CADM2: variants seen among roughly 807,000 people sequenced by gnomAD.
CADM2 encodes the protein cell adhesion molecule 2, also known as immunoglobulin superfamily member 4D.
A neutral mutation model predicts 49.8 loss-of-function variants in CADM2; 12 were observed. The observed-to-expected ratio is 0.24, with a 90% CI of 0.15 to 0.39. CADM2 has a LOEUF of 0.39. CADM2 is among the 10% of genes least tolerant of loss of function. The pLI is 1.00. For missense variants in CADM2, 378 were observed against 492.3 expected (o/e 0.77, Z 2.20); for synonymous variants, 214 against 175.4 (o/e 1.22, Z -1.74).
At chr3:85,335,573 G>T (rs1319947433) in intron 1 of CADM2, among the ~76,000 whole-genome samples, 1 of 150,570 alleles carries the variant, frequency 6.6e-6, no homozygotes, top group African/African-American at 2.4e-5. Context: ...TTTTGTTGAG[G>T]ACATTCAAAA....
chr3:85,480,311 T>C (rs1200793641), intron 1 of CADM2, among the ~76,000 whole-genome samples: 1 of 151,894 alleles, frequency 6.6e-6, no homozygotes, highest in Non-Finnish European at 1.5e-5. Flanking sequence ...GTTTTCATTA[T>C]AAATATTATA....
chr3:85,628,558 C>CAT lies in CADM2; in HGVS notation c.62-97956_62-97955dup, dbSNP rs1276847547. 9.5e-5 allele frequency among the ~76,000 whole-genome samples: 14 copies of CAT among 147,186 alleles called. No homozygotes were observed. In the East Asian group the frequency reaches 2.0e-3, roughly 21 times the overall value. ...ATATATACACATATATATACACACACATATATATACATATATACACACACA... is the reference window on the plus strand; with the variant it reads ...ATATATACACATATATATACACACACATATATATATACATATATACACACACA... On this transcript the variant is annotated intron_variant, in intron 1 of 9. Coordinates refer to ENST00000383699, the MANE Select transcript of CADM2 (RefSeq NM_001167675.2).
At chr3:85,749,841 T>C (rs1376852883) in intron 2 of CADM2, among the ~76,000 whole-genome samples, 1 of 152,122 alleles carries the variant, frequency 6.6e-6, no homozygotes. Context: ...TTTGTTTGTT[T>C]GTTTAGTTGG....
chr3:85,692,881 C>T (rs2066428239), intron 1 of CADM2, among the ~76,000 whole-genome samples: 1 of 152,294 alleles, frequency 6.6e-6, no homozygotes, highest in African/African-American at 2.4e-5. Context: ...GAGGATACCT[C>T]TCAAATTTCT....
At chr3:85,260,624 C>A (rs1219459783) in intron 1 of CADM2, among the ~76,000 whole-genome samples, 1 of 152,098 alleles carries the variant, frequency 6.6e-6, no homozygotes, top group Non-Finnish European at 1.5e-5. Context: ...CTTTGACAGA[C>A]ATTCACATTT....
intron 1 of CADM2, among the ~76,000 whole-genome samples, chr3:85,484,865 G>T (rs1332780360): frequency 6.6e-6 from 1 of 151,708 alleles, no homozygotes; most frequent in African/African-American, 2.4e-5. Context: ...ATATTTTATA[G>T]TCATATGATA....
chr3:85,180,917 C>T (rs1438285732), intron 1 of CADM2, among the ~76,000 whole-genome samples: 1 of 152,082 alleles, frequency 6.6e-6, no homozygotes, highest in Non-Finnish European at 1.5e-5. Context: ...GCTACTAATG[C>T]TTCCAGGTAT....
intron 1 of CADM2, among the ~76,000 whole-genome samples, chr3:85,680,497 C>A (rs1379353769): frequency 6.6e-6 from 1 of 152,130 alleles, no homozygotes; most frequent in Non-Finnish European, 1.5e-5. Flanking sequence ...TTATTCTCTG[C>A]AATGTTCCTT....
At chr3:85,861,093 T>C (rs915450953) in intron 3 of CADM2, among the ~76,000 whole-genome samples, 2 of 152,106 alleles carry the variant, frequency 1.3e-5, no homozygotes, top group Admixed American at 6.6e-5. Flanking sequence ...CAGGAGGTCA[T>C]TGAAAGTGTC....
intron 8 of CADM2, among the ~76,000 whole-genome samples, chr3:86,010,498 A>G (rs1731362893): frequency 6.6e-6 from 1 of 151,436 alleles, no homozygotes; most frequent in Non-Finnish European, 1.5e-5. Flanking sequence ...TTTAGGAATA[A>G]CCTCTTGAGA....
At chr3:85,983,573 C>T (rs943188823) in intron 8 of CADM2, among the ~76,000 whole-genome samples, 3 of 151,476 alleles carry the variant, frequency 2.0e-5, no homozygotes, top group Non-Finnish European at 3.0e-5. Context: ...TTTTTCAGTT[C>T]GTTTTAGTAA....
intron 1 of CADM2, among the ~76,000 whole-genome samples, chr3:85,190,336 T>G: frequency 6.6e-6 from 1 of 152,076 alleles, no homozygotes; most frequent in East Asian, 1.9e-4. Context: ...CCCTTAATAA[T>G]CATATTTTGG....
At chr3:85,072,291 T>C (rs979265587) in intron 1 of CADM2, among the ~76,000 whole-genome samples, 1 of 152,026 alleles carries the variant, frequency 6.6e-6, no homozygotes, top group Non-Finnish European at 1.5e-5. Context: ...ATCTGTTTTG[T>C]GTCCTTTGGT....
At chr3:85,171,448 T>A (rs2040623863) in intron 1 of CADM2, among the ~76,000 whole-genome samples, 1 of 152,344 alleles carries the variant, frequency 6.6e-6, no homozygotes, top group Middle Eastern at 3.4e-3. Flanking sequence ...TGCATATTTT[T>A]ATGCATATAT....
At chr3:85,942,465 C>A (rs1722053371) in intron 7 of CADM2, among the ~76,000 whole-genome samples, 1 of 149,478 alleles carries the variant, frequency 6.7e-6, no homozygotes, top group African/African-American at 2.4e-5. Flanking sequence ...GGTATATCTC[C>A]CAGTGCTATC....
intron 8 of CADM2, among the ~76,000 whole-genome samples, chr3:86,065,306 A>G (rs993335642): frequency 6.6e-6 from 1 of 152,234 alleles, no homozygotes; most frequent in African/African-American, 2.4e-5. Flanking sequence ...ACATATTTTC[A>G]GATGGAGGTG....
intron 1 of CADM2, among the ~76,000 whole-genome samples, chr3:85,083,121 GTATTA>G (rs1335276951): frequency 6.6e-6 from 1 of 152,016 alleles, no homozygotes; most frequent in Admixed American, 6.6e-5. Context: ...TAGTATATGT[GTATTA>G]TATTATATAC....
At chr3:85,075,719 A>C (rs958398104) in intron 1 of CADM2, among the ~76,000 whole-genome samples, 1 of 152,186 alleles carries the variant, frequency 6.6e-6, no homozygotes, top group African/African-American at 2.4e-5. Flanking sequence ...CCATGTTGTA[A>C]GTGAATCTCA....
chr3:85,253,183 A>G (rs766573953), intron 1 of CADM2, among the ~76,000 whole-genome samples: 11 of 152,078 alleles, frequency 7.2e-5, no homozygotes, highest in Non-Finnish European at 1.5e-4. Flanking sequence ...CACTTAGCAC[A>G]GCAATACATA....
Sources: allele counts gnomAD v4.1 joint callset (sites outside exome capture counted in the v4.1 genomes callset), GRCh38; gene constraint gnomAD v4.1.1; transcripts MANE v1.5; gene names NCBI Gene and HGNC (gene_info 2026-07-23, HGNC 2026-07-21).